The following ABCA5 variants were observed in gnomAD, a reference collection of about 807,000 sequenced individuals.
ABCA5 encodes ATP binding cassette subfamily A member 5.
A neutral mutation model predicts 206.0 loss-of-function variants in ABCA5; 163 were observed. That is an observed-to-expected ratio of 0.79 (90% CI 0.70 to 0.90). The LOEUF (loss-of-function observed/expected upper bound fraction) is 0.90, where lower values mean the gene tolerates loss of function less well. ABCA5 is among the 40% of genes least tolerant of loss of function. The probability of loss-of-function intolerance (pLI) is 0.00; values close to 1 mark genes in which losing one functional copy is unlikely to be tolerated. For synonymous variants in ABCA5, 609 were observed against 613.8 expected (o/e 0.99, Z 0.11); for missense variants, 1,859 against 1,912.9 (o/e 0.97, Z 0.53).
At chr17:69,261,037 A>G (rs2075141035) in intron 26 of ABCA5, 88 bp downstream of exon 26, 2 of 1,126,554 alleles carry the variant, frequency 1.8e-6, no homozygotes, top group African/African-American at 1.6e-5. Context: ...AATGCATTTT[A>G]CTGTTTTCTA....
intron 31 of ABCA5, among the ~76,000 whole-genome samples, chr17:69,254,898 A>G (rs1183855148): frequency 6.6e-6 from 1 of 152,190 alleles, no homozygotes; most frequent in African/African-American, 2.4e-5. Flanking sequence ...AGACTTGGTC[A>G]GAAAGGGTAA....
intron 18 of ABCA5, among the ~76,000 whole-genome samples, chr17:69,281,046 AAAAAT>A (rs2075386878): frequency 7.1e-6 from 1 of 141,286 alleles, no homozygotes. Context: ...AAAAAAAAAT[AAAAAT>A]AAATAAATAA....
intron 24 of ABCA5, among the ~76,000 whole-genome samples, chr17:69,263,351 TTA>T (rs1491270366): frequency 6.6e-6 from 1 of 152,236 alleles, no homozygotes; most frequent in Non-Finnish European, 1.5e-5. Flanking sequence ...TGTAGAATTC[TTA>T]TAGTTGATGT....
Position 69,254,466 on chromosome 17 carries a change from C to A in ABCA5, c.4093G>T (p.Glu1365Ter). ...GQVFLGDYSS[E>*]TSEDDDSLKC... ...AGTGAATCATCATCTTCACTTGTCTCTGAAGAATAATCTCCTAAAAATACC... is the reference window on the plus strand; with the variant it reads ...AGTGAATCATCATCTTCACTTGTCTATGAAGAATAATCTCCTAAAAATACC... Residue 1365 changes from glutamate (E) to a stop codon, truncating the protein, a stop_gained, in exon 32 of 39, where the codon GAG becomes TAG. Coordinates refer to ENST00000392676, the MANE Select transcript of ABCA5 (RefSeq NM_172232.4). LOFTEE classifies it high-confidence loss of function. 1 of 1,611,476 alleles carries A rather than the reference C, an allele frequency of 6.2e-7. No individual in the cohort carries two copies. The highest frequency in any genetic ancestry group is 8.5e-7 in the Non-Finnish European group (1 of 1,179,198).
At chr17:69,255,941 T>C (rs1251349068) in intron 29 of ABCA5, 91 bp from the exon 30 acceptor site, 3 of 1,183,078 alleles carry the variant, frequency 2.5e-6, no homozygotes, top group Non-Finnish European at 3.5e-6. Context: ...TTACAAAAAT[T>C]ATATTGGCTA....
chr17:69,250,868 C>T (rs1023788187), intron 35 of ABCA5: 5 of 231,182 alleles, frequency 2.2e-5, no homozygotes, highest in African/African-American at 1.1e-4. Flanking sequence ...CACTGAACTC[C>T]ATACTTTATT....
intron 12 of ABCA5, among the ~76,000 whole-genome samples, chr17:69,290,721 G>A: frequency 6.6e-6 from 1 of 152,042 alleles, no homozygotes; most frequent in Non-Finnish European, 1.5e-5. Context: ...TTTGGTTACT[G>A]TCATAATATG....
intron 1 of ABCA5, among the ~76,000 whole-genome samples, chr17:69,316,041 A>G (rs1451845956): frequency 6.6e-6 from 1 of 152,202 alleles, no homozygotes; most frequent in Non-Finnish European, 1.5e-5. Context: ...ACTTTAGAAC[A>G]GAAAAACACA....
intron 11 of ABCA5, among the ~76,000 whole-genome samples, chr17:69,293,456 C>T (rs745712639): frequency 6.6e-6 from 1 of 151,990 alleles, no homozygotes; most frequent in African/African-American, 2.4e-5. Flanking sequence ...TTTATGGGTC[C>T]CCCTGGCTAG....
chr17:69,258,738 T>C (rs2075111423), intron 28 of ABCA5, among the ~76,000 whole-genome samples: 1 of 152,136 alleles, frequency 6.6e-6, no homozygotes, highest in African/African-American at 2.4e-5. Context: ...AATAAATATG[T>C]AGTATTATCA....
intron 1 of ABCA5, chr17:69,318,774 C>T (rs2075839014): frequency 3.4e-5 from 23 of 682,110 alleles, no homozygotes; most frequent in South Asian, 3.2e-4. Flanking sequence ...AATTGATGGA[C>T]AAAAAGTTAT....
intron 13 of ABCA5, 37 bp from the exon 14 acceptor site, chr17:69,289,333 AT>A: frequency 6.9e-7 from 1 of 1,446,156 alleles, no homozygotes. Flanking sequence ...TATTTTAAAA[AT>A]CATACCATTT....
Position 69,289,253 on chromosome 17 carries a change from T to A in ABCA5, c.1826A>T (p.Asp609Val). 2 of 1,606,980 alleles carry A rather than the reference T, an allele frequency of 1.2e-6. No individual in the cohort carries two copies. The highest frequency in any genetic ancestry group is 1.7e-6 in the Non-Finnish European group (2 of 1,177,022). Residue 609 changes from aspartate to valine, a missense_variant, in exon 14 of 39, where the codon GAT (aspartate) becomes GTT (valine). By Grantham distance (152) the Asp-to-Val change is radical. Coordinates refer to ENST00000392676, the MANE Select transcript of ABCA5 (RefSeq NM_172232.4). The part of the protein sequence containing the change: ...LLDLDMQTIK[D>V]NQAKKLSGGQ... The stretch of plus-strand genomic sequence containing the variant: ...ACCACTTAATTTTTTAGCTTGGTTA[T>A]CTTTGATAGTCTGCATGTCTAAATC...
chr17:69,275,951 AT>A (rs535717489), intron 19 of ABCA5, among the ~76,000 whole-genome samples: 12 of 152,238 alleles, frequency 7.9e-5, no homozygotes, highest in Non-Finnish European at 1.6e-4. Context: ...GAAGACAGCC[AT>A]CACCATGCTG....
At chr17:69,318,759 G>GA (rs1478476262) in intron 1 of ABCA5, 2 of 661,552 alleles carry the variant, frequency 3.0e-6, no homozygotes, top group Non-Finnish European at 5.6e-6. Context: ...CTCCCGAGTT[G>GA]AAAAAATTGA....
At chr17:69,287,484 C>CT (rs2075470391) in intron 15 of ABCA5, 129 bp downstream of exon 15, 1 of 1,298,488 alleles carries the variant, frequency 7.7e-7, no homozygotes, top group Non-Finnish European at 1.0e-6. Context: ...TTTTTTAGAA[C>CT]TTTTTTTGTG....
At chr17:69,289,376 TTAAG>T in intron 13 of ABCA5, 80 bp from the exon 14 acceptor site, 1 of 1,141,110 alleles carries the variant, frequency 8.8e-7, no homozygotes, top group Non-Finnish European at 1.1e-6. Context: ...TTTAAATATT[TTAAG>T]TTTTAATGTG....
intron 6 of ABCA5, among the ~76,000 whole-genome samples, 169 bp downstream of exon 6, chr17:69,306,556 T>C (rs2075718910): frequency 6.6e-6 from 1 of 152,090 alleles, no homozygotes; most frequent in Admixed American, 6.5e-5. Flanking sequence ...AGCCAATTAG[T>C]TGTTGAAACT....
At chr17:69,297,495 G>A in intron 9 of ABCA5, 136 bp from the exon 10 acceptor site, 1 of 691,176 alleles carries the variant, frequency 1.4e-6, no homozygotes, top group Non-Finnish European at 2.4e-6. Context: ...CAAACATCAT[G>A]TTGTACACAA....
Sources: allele counts gnomAD v4.1 joint callset (sites outside exome capture counted in the v4.1 genomes callset), GRCh38; gene constraint gnomAD v4.1.1; transcripts MANE v1.5; gene names NCBI Gene and HGNC (gene_info 2026-07-23, HGNC 2026-07-21).